The following AKAP8L variants were observed in gnomAD, a reference collection of about 807,000 sequenced individuals.
AKAP8L encodes the protein A-kinase anchoring protein 8 like, also known as A-kinase anchor protein 8-like.
In AKAP8L, 34 loss-of-function variants were observed where a neutral mutation model predicts 77.5. The ratio of observed to expected loss-of-function variants is 0.44; its 90% CI spans 0.33 to 0.58. AKAP8L has a LOEUF of 0.58. Among genes scored for constraint, AKAP8L ranks in the 20% least tolerant of loss-of-function variants. The pLI, the probability that AKAP8L is intolerant of heterozygous loss-of-function variation, is 0.02. For missense variants in AKAP8L, 806 were observed against 887.6 expected, an observed-to-expected ratio of 0.91 and a Z score of 1.17; for synonymous variants, 342 against 340.7, an observed-to-expected ratio of 1.00 and a Z score of -0.04.
intron 12 of AKAP8L, among the ~76,000 whole-genome samples, chr19:15,393,857 C>T (rs1052224538): frequency 2.7e-5 from 4 of 148,036 alleles, no homozygotes; most frequent in Admixed American, 6.8e-5. Flanking sequence ...GAGCCGAGAT[C>T]GCGCCATTGC....
Position 15,398,086 on chromosome 19 carries a change from C to A in AKAP8L, c.1158-231G>T. On this transcript the variant is annotated intron_variant, in intron 9 of 13. Coordinates refer to ENST00000397410, the MANE Select transcript of AKAP8L (RefSeq NM_014371.4). This position sits in a 1 kb window ranked among gnomAD's most constrained non-coding sequence, Gnocchi z 9.2. ...GGGGACAGGGGAGGAGCTCTTCCTT[C>A]CCACAGGCAGGAGGCTGAAGCCTGA... 1.8e-6 allele frequency: 1 copy of A among 545,618 alleles called. No individual in the cohort carries two copies. Among genetic ancestry groups the A allele is most frequent in the Non-Finnish European group, 3.3e-6 (1 of 305,762 alleles). 33.8% of individuals were successfully genotyped at this position (545,618 alleles called of 1,614,324 possible).
chr19:15,399,141 G>T lies in AKAP8L; in HGVS notation c.1157+161C>A. ...AGGGGCAGGGGATGAGTCAGGCCTT[G>T]GGAGCTGGGCCTGGCGGGAAGCAGG... On this transcript the variant is annotated intron_variant, in intron 9 of 13. Transcript: ENST00000397410. The surrounding 1 kb of genome is among the most constrained non-coding windows in gnomAD (Gnocchi z 6.1). 1 of 671,554 alleles carries T rather than the reference G, an allele frequency of 1.5e-6. No individual in the cohort carries two copies. The highest frequency in any genetic ancestry group is 2.6e-6 in the Non-Finnish European group (1 of 389,426). 41.6% of individuals were successfully genotyped at this position (671,554 alleles called of 1,614,324 possible). A position where few individuals can be genotyped will look rare whatever the true frequency, so the allele number is the denominator to read the frequency against.
Position 15,401,640 on chromosome 19 carries a change from TCAG to T in AKAP8L, c.363-40_363-38del. On this transcript the variant is annotated intron_variant, in intron 4 of 13. Coordinates refer to ENST00000397410, the MANE Select transcript of AKAP8L (RefSeq NM_014371.4). The surrounding 1 kb of genome is among the most constrained non-coding windows in gnomAD (Gnocchi z 6.2). ...TGGGGTGAGCATCAGGTGGAGCCCC[TCAG>T]GATCCCTCACCTCCAGGCAACTGCT... 6.8e-7 allele frequency: 1 copy of T among 1,476,530 alleles called. No homozygotes were observed. 91.5% of individuals were successfully genotyped at this position (1,476,530 alleles called of 1,614,324 possible).
At position 15,380,178 on chromosome 19, in the gene AKAP8L, C is replaced by T. The variant is rs1967368724; in HGVS notation, c.1885G>A (p.Gly629Ser). 11 of 1,505,866 alleles carry T rather than the reference C, an allele frequency of 7.3e-6. No individual in the cohort carries two copies. Among genetic ancestry groups the T allele is most frequent in the Non-Finnish European group, 9.7e-6 (11 of 1,135,950 alleles). 93.3% of individuals were successfully genotyped at this position (1,505,866 alleles called of 1,614,324 possible). A position where few individuals can be genotyped will look rare whatever the true frequency, so the allele number is the denominator to read the frequency against. ...TCCTCCACGTCGAGGCCCGGGATGC[C>T]GCGGATCTGGCGTTGCAGCGCCCCT... ...LGGALQRQIR[G>S]IPGLDVEDDE... The change falls in exon 14 of 14, where the codon GGC (glycine) becomes AGC (serine). Residue 629 changes from glycine (G) to serine (S), a missense_variant. Gly to Ser is a moderately conservative substitution (Grantham distance 56, BLOSUM62 0). This residue lies in a region of AKAP8L where 226 missense variants were observed against 193.5 expected (regional missense o/e 1.17). Transcript: ENST00000397410.
intron 1 of AKAP8L, among the ~76,000 whole-genome samples, chr19:15,415,125 C>CT (rs1324867282): frequency 6.6e-6 from 1 of 152,154 alleles, no homozygotes; most frequent in South Asian, 2.1e-4. Flanking sequence ...CTCTCGTCAA[C>CT]TTTTTTTGCT....
intron 1 of AKAP8L, 52 bp downstream of exon 1, chr19:15,418,859 C>T: frequency 1.9e-6 from 3 of 1,547,028 alleles, no homozygotes; most frequent in Non-Finnish European, 2.6e-6. Context: ...GGCATCCGCA[C>T]GTCCCTGTCC....
chr19:15,418,108 T>TGTCAC (rs1232331416), intron 1 of AKAP8L, among the ~76,000 whole-genome samples: 2 of 152,230 alleles, frequency 1.3e-5, no homozygotes, highest in African/African-American at 2.4e-5. Context: ...TCTGCTCAAA[T>TGTCAC]GTCACCTCTT....
At chr19:15,406,681 G>A (rs1181548245) in intron 2 of AKAP8L, among the ~76,000 whole-genome samples, 3 of 151,884 alleles carry the variant, frequency 2.0e-5, no homozygotes, top group South Asian at 4.2e-4. Context: ...TGCCCAGGCT[G>A]GTCTCAAACT....
In AKAP8L at chr19:15,403,060, G is replaced by T. The variant is rs936662196; in HGVS notation, c.362+415C>A. On this transcript the variant is annotated intron_variant, in intron 4 of 13. Coordinates refer to ENST00000397410, the MANE Select transcript of AKAP8L (RefSeq NM_014371.4). The surrounding 1 kb of genome is among the most constrained non-coding windows in gnomAD (Gnocchi z 4.3). ...CCCTTACGTGGGGGTGGCCCAGCTC[G>T]CAGTGATCAGCCCCAAACGCTCGTC... is the stretch of plus-strand genomic sequence containing the variant. 6.6e-6 allele frequency among the ~76,000 whole-genome samples: 1 copy of T among 152,148 alleles called. No individual in the cohort carries two copies. Among genetic ancestry groups the T allele is most frequent in the African/African-American group, 2.4e-5 (1 of 41,448 alleles).
chr19:15,415,537 C>A (rs1472186210), intron 1 of AKAP8L, among the ~76,000 whole-genome samples: 6 of 152,150 alleles, frequency 3.9e-5, no homozygotes, highest in African/African-American at 1.4e-4. Context: ...GTTGCCCAGG[C>A]TGGAGTGCAA....
intron 12 of AKAP8L, among the ~76,000 whole-genome samples, chr19:15,384,219 C>T (rs2145103458): frequency 6.6e-6 from 1 of 152,000 alleles, no homozygotes; most frequent in South Asian, 2.1e-4. Flanking sequence ...GCGTGAGCCA[C>T]CGTGCCCGGC....
At position 15,401,635 on chromosome 19, in the gene AKAP8L, G is replaced by A. The variant is rs1208864906; in HGVS notation, c.363-32C>T. The A allele has an allele frequency of 4.7e-6, 7 of 1,504,218 alleles. No individual in the cohort carries two copies. In the African/African-American group the frequency reaches 6.9e-5, roughly 15 times the overall value. 93.2% of individuals were successfully genotyped at this position (1,504,218 alleles called of 1,614,324 possible). On this transcript the variant is annotated intron_variant, in intron 4 of 13. Transcript: ENST00000397410. The surrounding 1 kb of genome is among the most constrained non-coding windows in gnomAD (Gnocchi z 6.2). ...AGGCATGGGGTGAGCATCAGGTGGA[G>A]CCCCTCAGGATCCCTCACCTCCAGG...
chr19:15,390,476 G>T (rs952227759), intron 12 of AKAP8L, among the ~76,000 whole-genome samples: 2 of 149,784 alleles, frequency 1.3e-5, no homozygotes, highest in Admixed American at 1.3e-4. Context: ...GGCTTCATAA[G>T]CAAATTCTAC....
intron 12 of AKAP8L, among the ~76,000 whole-genome samples, chr19:15,393,797 G>A (rs1291459914): frequency 6.6e-6 from 1 of 151,606 alleles, no homozygotes; most frequent in Non-Finnish European, 1.5e-5. Context: ...GCACATGCCT[G>A]TAATCCCAGC....
At chr19:15,408,225 G>C (rs1418701138) in intron 2 of AKAP8L, among the ~76,000 whole-genome samples, 2 of 152,136 alleles carry the variant, frequency 1.3e-5, no homozygotes, top group African/African-American at 4.8e-5. Flanking sequence ...TAGACCCACA[G>C]TATATGGTCA....
At position 15,399,485 on chromosome 19, in the gene AKAP8L, T is replaced by C; in HGVS notation, c.1049-75A>G. 3 of 1,062,814 alleles carry C rather than the reference T, an allele frequency of 2.8e-6. No individual in the cohort carries two copies. Among genetic ancestry groups the C allele is most frequent in the Non-Finnish European group, 4.4e-6 (3 of 683,626 alleles). The allele number at this position is 1,062,814 out of a possible 1,614,324, so 65.8% of individuals were successfully genotyped here. A position where few individuals can be genotyped will look rare whatever the true frequency, so the allele number is the denominator to read the frequency against. On this transcript the variant is annotated intron_variant, in intron 8 of 13. Transcript: ENST00000397410. This position sits in a 1 kb window ranked among gnomAD's most constrained non-coding sequence, Gnocchi z 6.1. ...GCAGGCCCTGCGGCCTCTGGCTGAA[T>C]CACCCACTGTCCACTCCAGAGGGTC...
chr19:15,391,963 G>A (rs570192490), intron 12 of AKAP8L, among the ~76,000 whole-genome samples: 3 of 152,232 alleles, frequency 2.0e-5, no homozygotes, highest in South Asian at 4.1e-4. Context: ...AGCCTCCTGC[G>A]TAGCGGGGAC....
At chr19:15,405,849 G>C (rs1967985895) in intron 2 of AKAP8L, among the ~76,000 whole-genome samples, 1 of 152,058 alleles carries the variant, frequency 6.6e-6, no homozygotes. Context: ...TTGAACCTGG[G>C]AGGTGGAGGT....
intron 2 of AKAP8L, among the ~76,000 whole-genome samples, chr19:15,408,603 G>A (rs931537303): frequency 1.2e-4 from 18 of 150,678 alleles, no homozygotes; most frequent in African/African-American, 4.1e-4. Context: ...AAAGAAAGAG[G>A]CCGGGCGCGG....
Sources: allele counts gnomAD v4.1 joint callset (sites outside exome capture counted in the v4.1 genomes callset), GRCh38; gene constraint gnomAD v4.1.1; regional missense constraint gnomAD v4.1.1; non-coding constraint Gnocchi (gnomAD v3.1); transcripts MANE v1.5; gene names NCBI Gene and HGNC (gene_info 2026-07-23, HGNC 2026-07-21).